LDLRAD4: variants seen among roughly 807,000 people sequenced by gnomAD.
The protein encoded by LDLRAD4 is low density lipoprotein receptor class A domain containing 4.
A neutral mutation model predicts 17.0 loss-of-function variants in LDLRAD4; 5 were observed. That is an observed-to-expected ratio of 0.29 (90% CI 0.15 to 0.62). LDLRAD4 has a LOEUF of 0.62. Among genes scored for constraint, LDLRAD4 ranks in the 20% least tolerant of loss-of-function variants. The pLI is 0.84. For synonymous variants in LDLRAD4, 168 were observed against 171.8 expected (o/e 0.98, Z 0.17); for missense variants, 340 against 424.7 (o/e 0.80, Z 1.75).
intron 1 of LDLRAD4, among the ~76,000 whole-genome samples, chr18:13,352,191 T>C (rs1384743149): frequency 1.3e-5 from 2 of 152,248 alleles, no homozygotes; most frequent in Admixed American, 6.5e-5. Context: ...GCATTCCCTT[T>C]GAAAACCAGC....
chr18:13,629,607 T>C (rs2041485403), intron 4 of LDLRAD4, among the ~76,000 whole-genome samples: 1 of 152,226 alleles, frequency 6.6e-6, no homozygotes, highest in South Asian at 2.1e-4. Context: ...CATTTGAACA[T>C]GGTTTCTATG....
chr18:13,538,529 G>T (rs924881107), intron 3 of LDLRAD4, among the ~76,000 whole-genome samples: 2 of 144,642 alleles, frequency 1.4e-5, no homozygotes, highest in Non-Finnish European at 1.5e-5. Flanking sequence ...TGATGTCTAT[G>T]ATTTTTTTTT....
At chr18:13,439,416 AAG>A (rs1444022892) in intron 3 of LDLRAD4, among the ~76,000 whole-genome samples, 4 of 152,222 alleles carry the variant, frequency 2.6e-5, no homozygotes, top group African/African-American at 7.2e-5. Flanking sequence ...TGCTAAATTC[AAG>A]AGTCTTATAG....
chr18:13,466,786 G>A (rs1034297688), intron 3 of LDLRAD4, among the ~76,000 whole-genome samples: 3 of 152,174 alleles, frequency 2.0e-5, no homozygotes, highest in Non-Finnish European at 4.4e-5. Flanking sequence ...TCTGTGTCTG[G>A]TGGGGGCCTG....
At chr18:13,288,544 G>A (rs1402247618) in intron 1 of LDLRAD4, among the ~76,000 whole-genome samples, 4 of 152,192 alleles carry the variant, frequency 2.6e-5, no homozygotes, top group Non-Finnish European at 4.4e-5. Context: ...AGGTGTTAGC[G>A]CAATATAGTG....
chr18:13,311,344 C>T (rs1183750179), intron 1 of LDLRAD4, among the ~76,000 whole-genome samples: 1 of 152,216 alleles, frequency 6.6e-6, no homozygotes, highest in Non-Finnish European at 1.5e-5. Context: ...ACCGATCCAC[C>T]CTCATGTGAA....
rs186853149 is a variant in LDLRAD4, at chr18:13,623,095, A to G, written c.336+1824A>G. Among the ~76,000 whole-genome samples, 48 of 152,310 alleles carry G rather than the reference A, an allele frequency of 3.2e-4. 1 individual carries two copies. In the East Asian group the frequency reaches 8.9e-3, roughly 28 times the overall value. On this transcript the variant is annotated intron_variant, in intron 4 of 5. Transcript: ENST00000359446. ...CACCTTGTGTCCTGAACACCAGCAC[A>G]CTGGCCACACCCTTACCAACCAAGA...
At chr18:13,223,343 C>T (rs889570798) in intron 1 of LDLRAD4, among the ~76,000 whole-genome samples, 7 of 152,254 alleles carry the variant, frequency 4.6e-5, no homozygotes, top group Non-Finnish European at 2.9e-5. Flanking sequence ...GCTAGCCATC[C>T]TCCATGCCAG....
intron 3 of LDLRAD4, among the ~76,000 whole-genome samples, chr18:13,544,208 C>T (rs1375355652): frequency 1.3e-5 from 2 of 152,262 alleles, no homozygotes; most frequent in Admixed American, 6.5e-5. Context: ...TGAGGCACTG[C>T]TCTGCCTCCG....
intron 3 of LDLRAD4, among the ~76,000 whole-genome samples, chr18:13,599,937 T>G (rs2095141658): frequency 6.6e-6 from 1 of 152,226 alleles, no homozygotes; most frequent in Admixed American, 6.5e-5. Context: ...AAAATTATCT[T>G]TATATTCTAT....
intron 1 of LDLRAD4, chr18:13,366,116 C>A (rs959887997): frequency 6.6e-6 from 1 of 152,152 alleles, no homozygotes; most frequent in African/African-American, 2.4e-5. Flanking sequence ...TTCTTTCGCC[C>A]AGGCTGGAGG....
intron 2 of LDLRAD4, among the ~76,000 whole-genome samples, chr18:13,437,073 T>C (rs2090714442): frequency 6.6e-6 from 1 of 152,238 alleles, no homozygotes; most frequent in Non-Finnish European, 1.5e-5. Flanking sequence ...GCCCCACACA[T>C]GGTTAGCATC....
chr18:13,526,810 A>G (rs75235184), intron 3 of LDLRAD4: 1,771 of 152,432 alleles, frequency 0.012, 33 homozygotes, highest in East Asian at 0.069. Context: ...GCTGAGAAAC[A>G]GCAGACACGG....
At chr18:13,605,393 T>C (rs1471534787) in intron 3 of LDLRAD4, among the ~76,000 whole-genome samples, 1 of 152,144 alleles carries the variant, frequency 6.6e-6, no homozygotes, top group African/African-American at 2.4e-5. Context: ...AATTTTTAAA[T>C]TTTTTTTGAA....
rs149114693 is a variant in LDLRAD4 at position 13,508,136 on chromosome 18, C to G, written c.181+69752C>G. On this transcript the variant is annotated intron_variant, in intron 3 of 5. Transcript: ENST00000359446. ...AACCAGCCACAACATTCCCTTAAGA[C>G]AAAGCCTAATCCAGAGCAAGATCCT... Among the ~76,000 whole-genome samples the G allele has an allele frequency of 1.9e-3, 284 of 152,324 alleles. 2 individuals are homozygous for G. The highest frequency in any genetic ancestry group is 0.011 in the South Asian group (55 of 4,828).
chr18:13,319,896 G>A (rs1234313078), intron 1 of LDLRAD4, among the ~76,000 whole-genome samples: 1 of 152,164 alleles, frequency 6.6e-6, no homozygotes, highest in Non-Finnish European at 1.5e-5. Context: ...GACATTACTT[G>A]AGGCCACTAT....
At chr18:13,463,067 C>T (rs763457528) in intron 3 of LDLRAD4, among the ~76,000 whole-genome samples, 2 of 152,090 alleles carry the variant, frequency 1.3e-5, no homozygotes, top group Non-Finnish European at 2.9e-5. Flanking sequence ...CTGGGGGGCC[C>T]GAGACCAAGA....
chr18:13,565,293 A>G (rs2094586006), intron 3 of LDLRAD4, among the ~76,000 whole-genome samples: 3 of 152,204 alleles, frequency 2.0e-5, no homozygotes, highest in Non-Finnish European at 2.9e-5. Flanking sequence ...TGAAGAGACC[A>G]TCTTCCCTGA....
intron 1 of LDLRAD4, among the ~76,000 whole-genome samples, chr18:13,347,882 C>T (rs1404608656): frequency 1.3e-5 from 2 of 152,218 alleles, no homozygotes; most frequent in East Asian, 3.8e-4. Context: ...GAGGCTTGCG[C>T]ATTCGTCACA....
Sources: allele counts gnomAD v4.1 joint callset (sites outside exome capture counted in the v4.1 genomes callset), GRCh38; gene constraint gnomAD v4.1.1; transcripts MANE v1.5; gene names NCBI Gene and HGNC (gene_info 2026-07-23, HGNC 2026-07-21).